The following CSMD1 variants were observed in gnomAD, a reference collection of about 807,000 sequenced individuals.
The protein encoded by CSMD1 is CUB and Sushi multiple domains 1.
A neutral mutation model predicts 417.5 loss-of-function variants in CSMD1; 213 were observed. The ratio of observed to expected loss-of-function variants is 0.51; its 90% CI spans 0.46 to 0.57. CSMD1 has a LOEUF of 0.57. CSMD1 is among the 20% of genes least tolerant of loss of function. The pLI is 0.00. For synonymous variants in CSMD1, 2,862 were observed against 1,736.8 expected (o/e 1.65, Z -16.11); for missense variants, 6,923 against 4,529.7 (o/e 1.53, Z -15.17).
chr8:3,693,119 G>T (rs1171243643), intron 7 of CSMD1, among the ~76,000 whole-genome samples: 1 of 152,086 alleles, frequency 6.6e-6, no homozygotes, highest in Non-Finnish European at 1.5e-5. Flanking sequence ...GAGATAAATA[G>T]ATACCAATAG....
intron 5 of CSMD1, among the ~76,000 whole-genome samples, chr8:3,993,866 A>G (rs530043981): frequency 6.6e-6 from 1 of 152,316 alleles, no homozygotes; most frequent in East Asian, 1.9e-4. Context: ...AAGCATTATG[A>G]TAATGGGATC....
intron 3 of CSMD1, among the ~76,000 whole-genome samples, chr8:4,289,749 A>T (rs973846346): frequency 3.3e-4 from 50 of 152,162 alleles, no homozygotes; most frequent in Non-Finnish European, 1.2e-4. Context: ...ATTGTGAATA[A>T]AACATCTCCA....
chr8:4,745,242 G>A (rs1042516260), intron 1 of CSMD1, among the ~76,000 whole-genome samples: 1 of 152,016 alleles, frequency 6.6e-6, no homozygotes, highest in Non-Finnish European at 1.5e-5. Context: ...GCAGTTTTTG[G>A]TCCTAGAGAG....
intron 2 of CSMD1, among the ~76,000 whole-genome samples, chr8:4,625,200 C>T (rs1489391379): frequency 7.4e-6 from 1 of 134,254 alleles, no homozygotes; most frequent in Non-Finnish European, 1.6e-5. Context: ...CAGGCAACCT[C>T]GTCTACACAG....
intron 12 of CSMD1, among the ~76,000 whole-genome samples, chr8:3,423,953 T>C (rs1813660480): frequency 6.6e-6 from 1 of 152,190 alleles, no homozygotes. Context: ...TTTTGGCTAC[T>C]TACAAAATCA....
chr8:4,409,585 T>G (rs971258619), intron 3 of CSMD1, among the ~76,000 whole-genome samples: 3 of 152,074 alleles, frequency 2.0e-5, no homozygotes, highest in Non-Finnish European at 4.4e-5. Context: ...AGGGATGAAT[T>G]TGTTCTGTGT....
intron 3 of CSMD1, among the ~76,000 whole-genome samples, chr8:4,309,790 T>C (rs1585205064): frequency 6.6e-6 from 1 of 152,164 alleles, no homozygotes; most frequent in South Asian, 2.1e-4. Flanking sequence ...CATAGAAACC[T>C]CACCTCCATA....
chr8:4,453,293 C>A (rs1198066475), intron 2 of CSMD1, among the ~76,000 whole-genome samples: 2 of 151,878 alleles, frequency 1.3e-5, no homozygotes, highest in African/African-American at 4.8e-5. Flanking sequence ...ATTTACACTC[C>A]CACTGGCAAT....
intron 3 of CSMD1, among the ~76,000 whole-genome samples, chr8:4,264,593 C>T (rs978993572): frequency 3.9e-5 from 6 of 152,204 alleles, no homozygotes; most frequent in Non-Finnish European, 5.9e-5. Context: ...GGTTCCTCGG[C>T]GTTCTAGGGT....
At chr8:3,155,431 G>A (rs573479387) in intron 39 of CSMD1, among the ~76,000 whole-genome samples, 43 of 121,984 alleles carry the variant, frequency 3.5e-4, no homozygotes, top group African/African-American at 1.2e-3. Context: ...GCAGTGGCGC[G>A]ATCTTGGCTC....
intron 5 of CSMD1, among the ~76,000 whole-genome samples, chr8:3,989,947 GCTT>G (rs1218163365): frequency 6.6e-6 from 1 of 152,162 alleles, no homozygotes; most frequent in Non-Finnish European, 1.5e-5. Context: ...GATATTCATG[GCTT>G]CAAGAGAAAC....
Position 2,993,514 on chromosome 8 carries a change from G to C in CSMD1, c.8377+4497C>G, listed in dbSNP as rs570912887. Among the ~76,000 whole-genome samples the C allele has an allele frequency of 9.2e-5, 14 of 152,200 alleles. No homozygotes were observed. The South Asian group carries it at 2.9e-3, about 32-fold the overall frequency. On this transcript the variant is annotated intron_variant, in intron 54 of 69. Transcript: ENST00000635120. Reference sequence around the variant, plus strand: ...TCTCAGCGTCTCCCAGATGCCAACTGGATCTACTTTAAAAATATTTTTTAG... The same window carrying C: ...TCTCAGCGTCTCCCAGATGCCAACTCGATCTACTTTAAAAATATTTTTTAG...
intron 1 of CSMD1, among the ~76,000 whole-genome samples, chr8:4,652,214 T>C (rs1412087225): frequency 6.6e-6 from 1 of 152,208 alleles, no homozygotes; most frequent in East Asian, 1.9e-4. Context: ...AAAAGAACCA[T>C]AAAAATCAAA....
chr8:3,908,516 A>C (rs114486563), intron 5 of CSMD1, among the ~76,000 whole-genome samples: 1,694 of 152,248 alleles, frequency 0.011, 35 homozygotes, highest in African/African-American at 0.039. Flanking sequence ...AAACAAAACA[A>C]AACAAAAAAA....
At chr8:4,722,525 G>T (rs1460111460) in intron 1 of CSMD1, among the ~76,000 whole-genome samples, 1 of 152,084 alleles carries the variant, frequency 6.6e-6, no homozygotes, top group African/African-American at 2.4e-5. Context: ...TTCTTCAGGA[G>T]TATGCTCTGA....
At chr8:4,307,954 G>A (rs937997295) in intron 3 of CSMD1, among the ~76,000 whole-genome samples, 2 of 152,138 alleles carry the variant, frequency 1.3e-5, no homozygotes, top group African/African-American at 4.8e-5. Context: ...TGTAACAGAG[G>A]AGAGACACAC....
At chr8:4,681,508 A>G (rs1485710870) in intron 1 of CSMD1, among the ~76,000 whole-genome samples, 1 of 152,168 alleles carries the variant, frequency 6.6e-6, no homozygotes, top group Non-Finnish European at 1.5e-5. Context: ...ATACGTTGTT[A>G]GGTAAGCCAA....
At chr8:4,523,662 A>T (rs1187448428) in intron 2 of CSMD1, among the ~76,000 whole-genome samples, 7 of 152,178 alleles carry the variant, frequency 4.6e-5, no homozygotes, top group African/African-American at 1.7e-4. Flanking sequence ...GGCAACTCTA[A>T]TCCAGGTCTA....
chr8:3,153,328 G>C (rs920242012), intron 39 of CSMD1, among the ~76,000 whole-genome samples: 4 of 152,160 alleles, frequency 2.6e-5, no homozygotes, highest in African/African-American at 9.7e-5. Context: ...ATAAAAATGG[G>C]CAACCAGCAG....
Sources: allele counts gnomAD v4.1 joint callset (sites outside exome capture counted in the v4.1 genomes callset), GRCh38; gene constraint gnomAD v4.1.1; transcripts MANE v1.5; gene names NCBI Gene and HGNC (gene_info 2026-07-23, HGNC 2026-07-21).